Variants in CTNNA2 observed in about 807,000 individuals in gnomAD.
The protein encoded by CTNNA2 is catenin alpha-2.
In CTNNA2, 42 loss-of-function variants were observed where a neutral mutation model predicts 101.0. That is an observed-to-expected ratio of 0.42 (90% CI 0.32 to 0.54). The LOEUF is 0.54. Among genes scored for constraint, CTNNA2 ranks in the 20% least tolerant of loss-of-function variants. CTNNA2 has a pLI of 0.14. For missense variants in CTNNA2, 871 were observed against 1,223.1 expected, an observed-to-expected ratio of 0.71 and a Z score of 4.29; for synonymous variants, 450 against 456.4, an observed-to-expected ratio of 0.99 and a Z score of 0.18.
At chr2:80,429,648 T>G (rs778410383) in intron 9 of CTNNA2, among the ~76,000 whole-genome samples, 22 of 152,174 alleles carry the variant, frequency 1.4e-4, no homozygotes, top group South Asian at 2.1e-4. Context: ...ACAGCTTTAT[T>G]TTACTGCACA....
chr2:79,806,374 G>A (rs72914641), intron 3 of CTNNA2, among the ~76,000 whole-genome samples: 6,885 of 152,190 alleles, frequency 0.045, 366 homozygotes, highest in African/African-American at 0.12. Context: ...CAGACGACTT[G>A]CACAAACATC....
intron 7 of CTNNA2, among the ~76,000 whole-genome samples, chr2:80,003,651 T>C (rs991760272): frequency 1.3e-4 from 20 of 152,264 alleles, no homozygotes; most frequent in African/African-American, 4.8e-4. Context: ...GCACATTTAA[T>C]GAACTCTGCA....
At chr2:80,279,049 C>CATGTGTGTGT (rs1553482572) in intron 7 of CTNNA2, among the ~76,000 whole-genome samples, 1 of 135,734 alleles carries the variant, frequency 7.4e-6, no homozygotes, top group Non-Finnish European at 1.6e-5. Flanking sequence ...ATGACTTTTA[C>CATGTGTGTGT]GTGTGTGTGT....
chr2:79,938,095 T>C (rs936492693), intron 7 of CTNNA2, among the ~76,000 whole-genome samples: 22 of 152,258 alleles, frequency 1.4e-4, no homozygotes, highest in African/African-American at 5.1e-4. Context: ...AGAACAGTGG[T>C]TTTCCCTCAA....
chr2:80,392,942 G>C (rs977138231), intron 7 of CTNNA2, among the ~76,000 whole-genome samples: 1 of 152,144 alleles, frequency 6.6e-6, no homozygotes, highest in Non-Finnish European at 1.5e-5. Flanking sequence ...TAAGCGTCTG[G>C]AGGAGGGATG....
intron 2 of CTNNA2, among the ~76,000 whole-genome samples, chr2:79,306,984 G>T (rs1676262778): frequency 6.6e-6 from 1 of 152,058 alleles, no homozygotes; most frequent in Non-Finnish European, 1.5e-5. Flanking sequence ...TTGCTGATTT[G>T]TAGGCATAAG....
chr2:79,287,260 A>G (rs1247433031), intron 2 of CTNNA2, among the ~76,000 whole-genome samples: 1 of 152,184 alleles, frequency 6.6e-6, no homozygotes, highest in Non-Finnish European at 1.5e-5. Flanking sequence ...CAGCTCGTCA[A>G]AGTCATTCTC....
intron 3 of CTNNA2, among the ~76,000 whole-genome samples, chr2:79,371,144 A>AC (rs1553405959): frequency 1.3e-5 from 2 of 151,686 alleles, no homozygotes; most frequent in African/African-American, 2.4e-5. Context: ...CCTGGGGAAG[A>AC]GGGGAGGGGT....
chr2:80,191,887 A>T (rs901782867), intron 7 of CTNNA2, among the ~76,000 whole-genome samples: 2 of 152,214 alleles, frequency 1.3e-5, no homozygotes, highest in Admixed American at 6.5e-5. Flanking sequence ...CCAAACATGG[A>T]CATCTTTTAC....
intron 2 of CTNNA2, among the ~76,000 whole-genome samples, chr2:79,212,063 G>A (rs1223491253): frequency 6.6e-6 from 1 of 152,184 alleles, no homozygotes; most frequent in Non-Finnish European, 1.5e-5. Flanking sequence ...TAAGAATTGG[G>A]AGGACCCAGA....
chr2:79,988,805 A>G (rs191362568), intron 7 of CTNNA2, among the ~76,000 whole-genome samples: 14 of 152,348 alleles, frequency 9.2e-5, no homozygotes, highest in African/African-American at 2.4e-4. Context: ...GATATGTACA[A>G]GAAGGTTTCT....
intron 1 of CTNNA2, among the ~76,000 whole-genome samples, chr2:79,187,265 C>CTTTCTT (rs1673791184): frequency 1.2e-5 from 1 of 83,404 alleles, no homozygotes; most frequent in African/African-American, 5.8e-5. Context: ...CTTTTCTTTT[C>CTTTCTT]TTTTCTTTTT....
At chr2:80,411,706 T>C (rs1268471747) in intron 8 of CTNNA2, among the ~76,000 whole-genome samples, 1 of 152,188 alleles carries the variant, frequency 6.6e-6, no homozygotes, top group Non-Finnish European at 1.5e-5. Context: ...CCAAGCAATA[T>C]TGGTTTAAAT....
At chr2:79,738,108 A>G (rs926137048) in intron 2 of CTNNA2, among the ~76,000 whole-genome samples, 40 of 152,218 alleles carry the variant, frequency 2.6e-4, no homozygotes, top group Admixed American at 4.6e-4. Context: ...ACTTTAGGTC[A>G]TGAGCAGTCT....
intron 2 of CTNNA2, among the ~76,000 whole-genome samples, chr2:79,220,164 A>ATG (rs200743234): frequency 2.2e-4 from 34 of 151,430 alleles, no homozygotes; most frequent in African/African-American, 7.3e-4. Flanking sequence ...ATATATATGT[A>ATG]TGTGTGTGTG....
chr2:80,495,595 T>A (rs1687388023), intron 9 of CTNNA2, among the ~76,000 whole-genome samples: 1 of 152,148 alleles, frequency 6.6e-6, no homozygotes, highest in Admixed American at 6.6e-5. Context: ...GAGGTCATAC[T>A]GGAGTAGGTT....
intron 7 of CTNNA2, among the ~76,000 whole-genome samples, chr2:80,160,386 G>T (rs1180973118): frequency 6.6e-6 from 1 of 151,998 alleles, no homozygotes; most frequent in Admixed American, 6.6e-5. Context: ...TATCAATTTG[G>T]GTAGAATTGA....
intron 15 of CTNNA2, among the ~76,000 whole-genome samples, chr2:80,599,341 T>G (rs1697260238): frequency 6.6e-6 from 1 of 152,144 alleles, no homozygotes; most frequent in African/African-American, 2.4e-5. Flanking sequence ...TGAAGGAGCT[T>G]TAGAATCCAC....
intron 2 of CTNNA2, among the ~76,000 whole-genome samples, chr2:79,244,199 T>C (rs546241745): frequency 6.6e-6 from 1 of 152,280 alleles, no homozygotes; most frequent in South Asian, 2.1e-4. Context: ...GTAAGTTACA[T>C]ATTTTCTCAT....
Sources: gnomAD v4.1 joint callset for allele counts (sites outside exome capture counted in the v4.1 genomes callset) on GRCh38, gnomAD v4.1.1 for gene constraint, MANE v1.5 for transcripts, NCBI Gene and HGNC (gene_info 2026-07-23, HGNC 2026-07-21) for gene names.